The following NUDT9 variants were observed in gnomAD, a reference collection of about 807,000 sequenced individuals.
NUDT9 encodes nudix hydrolase 9, also known as ADP-ribose pyrophosphatase.
In NUDT9, 31 loss-of-function variants were observed where a neutral mutation model predicts 41.0. That is an observed-to-expected ratio of 0.76 (90% CI 0.57 to 1.02). The LOEUF (loss-of-function observed/expected upper bound fraction) is 1.02, where lower values mean the gene tolerates loss of function less well. NUDT9 is among the 50% of genes least tolerant of loss of function. The pLI is 0.00. For synonymous variants in NUDT9, 146 were observed against 147.6 expected, an observed-to-expected ratio of 0.99 and a Z score of 0.08; for missense variants, 380 against 431.4, an observed-to-expected ratio of 0.88 and a Z score of 1.06.
At position 87,431,273 on chromosome 4, in the gene NUDT9, C is replaced by G. The variant is rs146001853; in HGVS notation, c.108-3708C>G. On this transcript the variant is annotated intron_variant, in intron 1 of 7. Coordinates refer to ENST00000302174, the MANE Select transcript of NUDT9 (RefSeq NM_024047.5). ...GAGGATTTATTTCTGGGTTCTACTTCTATTCCACTAGTCTATATGTCTTTC... is the reference window on the plus strand; with the variant it reads ...GAGGATTTATTTCTGGGTTCTACTTGTATTCCACTAGTCTATATGTCTTTC... Among the ~76,000 whole-genome samples, 25 of 152,314 alleles carry G rather than the reference C, an allele frequency of 1.6e-4. No homozygotes were observed. The East Asian group carries it at 4.6e-3, about 28-fold the overall frequency.
At chr4:87,427,054 A>C (rs1721458931) in intron 1 of NUDT9, among the ~76,000 whole-genome samples, 1 of 149,288 alleles carries the variant, frequency 6.7e-6, no homozygotes, top group East Asian at 2.0e-4. Flanking sequence ...TGGGAGGTCG[A>C]GATTGCAGTG....
chr4:87,451,076 A>C (rs1722687858), intron 5 of NUDT9, among the ~76,000 whole-genome samples: 1 of 152,234 alleles, frequency 6.6e-6, no homozygotes, highest in Non-Finnish European at 1.5e-5. Flanking sequence ...TAGACAGGGC[A>C]GTTAAGAGAA....
At chr4:87,449,388 C>A in intron 5 of NUDT9, 135 bp downstream of exon 5, 1 of 591,076 alleles carries the variant, frequency 1.7e-6, no homozygotes, top group South Asian at 1.9e-5. Context: ...TTATGTTTTT[C>A]ATCCCTGCAT....
rs1457210593 is a variant in NUDT9 at position 87,457,874 on chromosome 4, T to C, written c.906T>C (p.Ala302=). ...TAATGGATAATCTTATGCTAGAAGC[T>C]GGAGATGATGCTGGAAAAGTGAAAT... ...GEIMDNLMLE[A]GDDAGKVKWV... The change falls in exon 8 of 8, where the codon GCT becomes GCC. Residue 302 remains alanine, a synonymous_variant. Coordinates refer to ENST00000302174, the MANE Select transcript of NUDT9 (RefSeq NM_024047.5). 3 of 1,611,710 alleles carry C rather than the reference T, an allele frequency of 1.9e-6. No individual in the cohort carries two copies. The highest frequency in any genetic ancestry group is 2.5e-6 in the Non-Finnish European group (3 of 1,179,140).
At chr4:87,435,318 A>G (rs1044689411) in intron 2 of NUDT9, 98 bp downstream of exon 2, 14 of 1,335,642 alleles carry the variant, frequency 1.0e-5, no homozygotes, top group African/African-American at 7.3e-5. Flanking sequence ...AATAATTTCA[A>G]TCTATGCTTA....
intron 1 of NUDT9, among the ~76,000 whole-genome samples, chr4:87,426,514 A>G (rs958016034): frequency 1.3e-5 from 2 of 151,572 alleles, no homozygotes; most frequent in African/African-American, 2.4e-5. Context: ...GGTTCAAGCG[A>G]TTCTCCTGCC....
intron 1 of NUDT9, among the ~76,000 whole-genome samples, chr4:87,428,930 G>T (rs1389046502): frequency 6.6e-6 from 1 of 152,018 alleles, no homozygotes; most frequent in African/African-American, 2.4e-5. Flanking sequence ...TTATATCAGG[G>T]TTTACTCTTG....
chr4:87,438,125 A>G (rs745859946), intron 2 of NUDT9, 152 bp from the exon 3 acceptor site: 12 of 431,614 alleles, frequency 2.8e-5, no homozygotes, highest in Non-Finnish European at 4.6e-5. Flanking sequence ...TTGAAGGAAT[A>G]AGATGGATTT....
Position 87,449,186 on chromosome 4 carries a change from C to T in NUDT9, c.575C>T (p.Ser192Phe). ...SSGNKIMHPV[S>F]GKHILQFVAI... ...GGAAATAAAATCATGCATCCTGTTT[C>T]TGGGAAGCATATCTTACAATTTGTT... The change falls in exon 5 of 8, where the codon TCT becomes TTT. Residue 192 changes from serine (S) to phenylalanine (F), a missense_variant. By Grantham distance (155) the Ser-to-Phe change is radical (BLOSUM62 -2). Coordinates refer to ENST00000302174, the MANE Select transcript of NUDT9 (RefSeq NM_024047.5). The T allele has an allele frequency of 6.2e-7, 1 of 1,611,230 alleles. No homozygotes were observed. The highest frequency in any genetic ancestry group is 1.3e-5 in the African/African-American group (1 of 74,968).
chr4:87,450,411 C>T (rs1722660168), intron 5 of NUDT9, among the ~76,000 whole-genome samples: 1 of 126,750 alleles, frequency 7.9e-6, no homozygotes, highest in Non-Finnish European at 1.6e-5. Flanking sequence ...GACGGAGTCT[C>T]ACTCTGTTGC....
rs938832907 is a variant in NUDT9, at chr4:87,458,943, A to G, written c.*922A>G. On this transcript the variant is annotated 3_prime_UTR_variant, in exon 8 of 8. Coordinates refer to ENST00000302174, the MANE Select transcript of NUDT9 (RefSeq NM_024047.5). ...TGACCCAGTAATCCCATTACTAGGT[A>G]TATACCCGAAGGAATATAAATTGTT... 1.3e-5 allele frequency: 2 copies of G among 152,226 alleles called. No individual in the cohort carries two copies. The highest frequency in any genetic ancestry group is 2.9e-5 in the Non-Finnish European group (2 of 68,032). The allele number at this position is 152,226 out of a possible 1,614,324, so 9.4% of individuals were successfully genotyped here.
chr4:87,447,901 C>T (rs1722530587), intron 4 of NUDT9, among the ~76,000 whole-genome samples: 1 of 151,496 alleles, frequency 6.6e-6, no homozygotes, highest in African/African-American at 2.4e-5. Flanking sequence ...GCATGGTGGC[C>T]CACGCCTGTA....
intron 4 of NUDT9, among the ~76,000 whole-genome samples, chr4:87,444,158 A>G (rs1286763001): frequency 2.0e-5 from 3 of 151,912 alleles, no homozygotes; most frequent in Non-Finnish European, 4.4e-5. Context: ...TGGAATTGTC[A>G]TGTTCTTTCT....
At chr4:87,457,478 C>T (rs138212179) in intron 7 of NUDT9, among the ~76,000 whole-genome samples, 1 of 152,034 alleles carries the variant, frequency 6.6e-6, no homozygotes, top group African/African-American at 2.4e-5. Context: ...CTCAGGTGAT[C>T]TACCCGCCTC....
intron 4 of NUDT9, among the ~76,000 whole-genome samples, chr4:87,442,683 A>T (rs1722255047): frequency 6.6e-6 from 1 of 152,152 alleles, no homozygotes; most frequent in Non-Finnish European, 1.5e-5. Context: ...TTTTTAATTT[A>T]AAAAAAGTTG....
At chr4:87,435,724 A>G (rs1721900790) in intron 2 of NUDT9, among the ~76,000 whole-genome samples, 1 of 152,190 alleles carries the variant, frequency 6.6e-6, no homozygotes, top group Admixed American at 6.5e-5. Context: ...ATGAGAGAGA[A>G]GGGGCTCTCA....
chr4:87,425,728 A>G (rs1337027420), intron 1 of NUDT9, among the ~76,000 whole-genome samples: 7 of 151,800 alleles, frequency 4.6e-5, no homozygotes, highest in African/African-American at 1.7e-4. Flanking sequence ...AAAAAAAAAA[A>G]AAAGAATTTT....
intron 3 of NUDT9, among the ~76,000 whole-genome samples, chr4:87,439,872 A>G (rs1159370198): frequency 1.3e-5 from 2 of 152,182 alleles, no homozygotes; most frequent in African/African-American, 2.4e-5. Context: ...GCATGTACCA[A>G]ATAAAACCAA....
chr4:87,451,822 C>T, intron 6 of NUDT9, 87 bp downstream of exon 6: 1 of 1,122,962 alleles, frequency 8.9e-7, no homozygotes, highest in Non-Finnish European at 1.3e-6. Context: ...GTATGTCCTT[C>T]TCTAAATAAA....
Sources: allele counts gnomAD v4.1 joint callset (sites outside exome capture counted in the v4.1 genomes callset), GRCh38; gene constraint gnomAD v4.1.1; transcripts MANE v1.5; gene names NCBI Gene and HGNC (gene_info 2026-07-23, HGNC 2026-07-21).